Variants in IGF1R observed in about 807,000 individuals in gnomAD.
IGF1R encodes the protein insulin-like growth factor 1 receptor.
In IGF1R, 44 loss-of-function variants were observed where a neutral mutation model predicts 144.6. That is an observed-to-expected ratio of 0.30 (90% CI 0.24 to 0.39). The LOEUF is 0.39. Among genes scored for constraint, IGF1R ranks in the 10% least tolerant of loss-of-function variants. The pLI is 1.00. For missense variants in IGF1R, 1,355 were observed against 1,833.7 expected, an observed-to-expected ratio of 0.74 and a Z score of 4.77; for synonymous variants, 795 against 722.8, an observed-to-expected ratio of 1.10 and a Z score of -1.60.
intron 1 of IGF1R, among the ~76,000 whole-genome samples, chr15:98,683,062 G>A (rs1222186475): frequency 6.6e-6 from 1 of 150,902 alleles, no homozygotes; most frequent in Non-Finnish European, 1.5e-5. Flanking sequence ...TGAGATTACT[G>A]GTTTCTCTCC....
intron 2 of IGF1R, among the ~76,000 whole-genome samples, chr15:98,871,461 A>G (rs2012780675): frequency 6.6e-6 from 1 of 152,224 alleles, no homozygotes; most frequent in Non-Finnish European, 1.5e-5. Flanking sequence ...CCACAGAGGA[A>G]GGAGCTTCTG....
At chr15:98,662,688 G>A (rs1237149365) in intron 1 of IGF1R, among the ~76,000 whole-genome samples, 1 of 152,170 alleles carries the variant, frequency 6.6e-6, no homozygotes, top group East Asian at 1.9e-4. Context: ...GAAGTATGTG[G>A]GCTGCAGGCA....
At chr15:98,912,971 G>T in intron 7 of IGF1R, 73 bp from the exon 8 acceptor site, 1 of 930,824 alleles carries the variant, frequency 1.1e-6, no homozygotes, top group East Asian at 2.4e-5. Context: ...TGACATGCTG[G>T]GCCTCTGGGG....
Position 98,901,837 on chromosome 15 carries a change from A to C in IGF1R, c.1247+2216A>C, listed in dbSNP as rs142767935. ...GGATTGAAGTGAAGAAAGGCAATTC[A>C]AGGTAGGGTGGCAGGAGCAAAGGCA... On this transcript the variant is annotated intron_variant, in intron 5 of 20. Coordinates refer to ENST00000650285, the MANE Select transcript of IGF1R (RefSeq NM_000875.5). 8.2e-3 allele frequency among the ~76,000 whole-genome samples: 1,247 copies of C among 152,306 alleles called. 13 individuals are homozygous for C. Among genetic ancestry groups the C allele is most frequent in the African/African-American group, 0.029 (1,200 of 41,554 alleles).
chr15:98,741,028 G>A (rs1326084769), intron 2 of IGF1R, among the ~76,000 whole-genome samples: 2 of 144,292 alleles, frequency 1.4e-5, no homozygotes, highest in South Asian at 2.2e-4. Flanking sequence ...AATACAAAGA[G>A]TGATAATGTT....
intron 12 of IGF1R, among the ~76,000 whole-genome samples, 169 bp downstream of exon 12, chr15:98,924,181 G>A (rs575744272): frequency 6.6e-6 from 1 of 152,258 alleles, no homozygotes; most frequent in Non-Finnish European, 1.5e-5. Context: ...TCTCCAAGGA[G>A]TACTGCATAG....
chr15:98,911,385 G>A lies in IGF1R; in HGVS notation c.1533G>A (p.Arg511=), dbSNP rs2151674330. 1 of 1,614,164 alleles carries A rather than the reference G, an allele frequency of 6.2e-7. No homozygotes were observed. Among genetic ancestry groups the A allele is most frequent in the Non-Finnish European group, 8.5e-7 (1 of 1,180,026 alleles). ...SKNRIIITWH[R]YRPPDYRDLI... ...ATCGCATCATCATAACCTGGCACCG[G>A]TACCGGCCCCCTGACTACAGGGATC... Residue 511 remains arginine, a synonymous_variant, in exon 7 of 21, where the codon CGG becomes CGA. Coordinates refer to ENST00000650285, the MANE Select transcript of IGF1R (RefSeq NM_000875.5).
chr15:98,924,230 G>T (rs981555582), intron 12 of IGF1R, among the ~76,000 whole-genome samples: 1 of 152,232 alleles, frequency 6.6e-6, no homozygotes, highest in African/African-American at 2.4e-5. Flanking sequence ...CTCAAGAAAC[G>T]ATTTCATTGT....
At chr15:98,653,485 G>A (rs972613755) in intron 1 of IGF1R, among the ~76,000 whole-genome samples, 7 of 152,180 alleles carry the variant, frequency 4.6e-5, no homozygotes, top group Non-Finnish European at 8.8e-5. Flanking sequence ...TTTCTTTGCA[G>A]TTTTATTTTA....
At position 98,648,753 on chromosome 15, in the gene IGF1R, G is replaced by T. The variant is rs1023253699; in HGVS notation, c.-829G>T. 2.1e-5 allele frequency among the ~76,000 whole-genome samples: 3 copies of T among 144,502 alleles called. No individual in the cohort carries two copies. Among genetic ancestry groups the T allele is most frequent in the African/African-American group, 7.8e-5 (3 of 38,360 alleles). 94.8% of individuals were successfully genotyped at this position (144,502 alleles called of 152,430 possible). On this transcript the variant is annotated 5_prime_UTR_variant, in exon 1 of 21. Coordinates refer to ENST00000650285, the MANE Select transcript of IGF1R (RefSeq NM_000875.5). ...TCGGCCCCGCTCCCCGGATCCCCCC[G>T]CGCCCTCCACGCCCCTCCCGCGCGG...
At chr15:98,884,083 T>A (rs1056418346) in intron 2 of IGF1R, among the ~76,000 whole-genome samples, 1 of 152,168 alleles carries the variant, frequency 6.6e-6, no homozygotes, top group South Asian at 2.1e-4. Flanking sequence ...CGAGCACATT[T>A]CTTTTAAAGG....
chr15:98,934,056 G>C (rs2016046046), intron 15 of IGF1R, among the ~76,000 whole-genome samples: 1 of 151,404 alleles, frequency 6.6e-6, no homozygotes, highest in Non-Finnish European at 1.5e-5. Flanking sequence ...GTGTAACCCA[G>C]TATATCCAAA....
At chr15:98,696,958 T>C (rs186152627) in intron 1 of IGF1R, among the ~76,000 whole-genome samples, 282 of 152,286 alleles carry the variant, frequency 1.9e-3, no homozygotes, top group Middle Eastern at 0.014. Context: ...AAGTCAGGGA[T>C]GCGGATTGTC....
chr15:98,956,801 G>A (rs2017004720), intron 20 of IGF1R, among the ~76,000 whole-genome samples: 1 of 152,224 alleles, frequency 6.6e-6, no homozygotes, highest in African/African-American at 2.4e-5. Flanking sequence ...TCCTTCTTGG[G>A]AAAGGAGAGT....
chr15:98,803,941 G>T (rs2056416971), intron 2 of IGF1R, among the ~76,000 whole-genome samples: 1 of 152,160 alleles, frequency 6.6e-6, no homozygotes, highest in Non-Finnish European at 1.5e-5. Flanking sequence ...TGTACGTGCT[G>T]TACTTTTATA....
chr15:98,957,425 C>T lies in IGF1R; in HGVS notation c.4087C>T (p.Gln1363Ter), dbSNP rs1483167529. 3.1e-6 allele frequency: 5 copies of T among 1,613,118 alleles called. No homozygotes were observed. The highest frequency in any genetic ancestry group is 4.2e-6 in the Non-Finnish European group (5 of 1,180,038). ...GAACGAGCGGGCCTTGCCGCTGCCC[C>T]AGTCTTCGACCTGCTGATCCTTGGA... is the stretch of plus-strand genomic sequence containing the variant. ...RKNERALPLP[Q>*]SSTC The change falls in exon 21 of 21, where the codon CAG (glutamine) becomes TAG (stop). Residue 1363 changes from glutamine (Q) to a stop codon, truncating the protein, a stop_gained. Coordinates refer to ENST00000650285, the MANE Select transcript of IGF1R (RefSeq NM_000875.5). LOFTEE classifies it high-confidence loss of function.
chr15:98,753,763 T>C (rs2055081232), intron 2 of IGF1R, among the ~76,000 whole-genome samples: 1 of 152,232 alleles, frequency 6.6e-6, no homozygotes, highest in South Asian at 2.1e-4. Flanking sequence ...TTTTATGATA[T>C]TATTTGGATC....
intron 2 of IGF1R, among the ~76,000 whole-genome samples, chr15:98,770,157 A>G (rs1363282902): frequency 6.6e-6 from 1 of 152,210 alleles, no homozygotes; most frequent in African/African-American, 2.4e-5. Flanking sequence ...GGTGTCCACC[A>G]TGTCACTCTG....
In IGF1R at chr15:98,694,297, A is replaced by G. The variant is rs1032791558; in HGVS notation, c.95-13265A>G. On this transcript the variant is annotated intron_variant, in intron 1 of 20. Transcript: ENST00000650285. ...GGCTCCTCAAAGATGTCACTGCACC[A>G]TTCATTCTTGTGTTCCTGGCCCATG... Among the ~76,000 whole-genome samples the G allele has an allele frequency of 3.7e-4, 57 of 152,290 alleles. 1 individual carries two copies. Among genetic ancestry groups the G allele is most frequent in the South Asian group, 2.1e-4 (1 of 4,832 alleles).
Sources: gnomAD v4.1 joint callset for allele counts (sites outside exome capture counted in the v4.1 genomes callset) on GRCh38, gnomAD v4.1.1 for gene constraint, MANE v1.5 for transcripts, NCBI Gene and HGNC (gene_info 2026-07-23, HGNC 2026-07-21) for gene names.